The following DCC variants were observed in gnomAD, a reference collection of about 807,000 sequenced individuals.
DCC encodes DCC netrin 1 receptor.
A neutral mutation model predicts 172.5 loss-of-function variants in DCC; 58 were observed. The observed-to-expected ratio is 0.34, with a 90% CI of 0.27 to 0.42. The LOEUF (loss-of-function observed/expected upper bound fraction) is 0.42, where lower values mean the gene tolerates loss of function less well. DCC is among the 10% of genes least tolerant of loss of function. DCC has a pLI of 1.00. For missense variants in DCC, 1,740 were observed against 1,791.0 expected (o/e 0.97, Z 0.51); for synonymous variants, 709 against 644.5 (o/e 1.10, Z -1.52).
intron 3 of DCC, among the ~76,000 whole-genome samples, chr18:52,909,453 T>C (rs962825409): frequency 3.9e-5 from 6 of 152,138 alleles, no homozygotes; most frequent in Non-Finnish European, 5.9e-5. Flanking sequence ...ATTTTGCAAC[T>C]TTCCCCAACA....
At chr18:52,982,317 A>G (rs67913578) in intron 5 of DCC, among the ~76,000 whole-genome samples, 7,298 of 152,224 alleles carry the variant, frequency 0.048, 309 homozygotes, top group East Asian at 0.21. Flanking sequence ...TTCCCCAGTG[A>G]CAAGTAATGA....
intron 2 of DCC, among the ~76,000 whole-genome samples, chr18:52,894,048 G>T (rs927288394): frequency 1.3e-5 from 2 of 152,038 alleles, no homozygotes; most frequent in Non-Finnish European, 2.9e-5. Flanking sequence ...CTTTACACAT[G>T]TTGCTTCTCT....
At chr18:53,490,273 C>G (rs1038664871) in intron 26 of DCC, among the ~76,000 whole-genome samples, 2 of 152,026 alleles carry the variant, frequency 1.3e-5, no homozygotes, top group Non-Finnish European at 2.9e-5. Flanking sequence ...TATTGTGTTA[C>G]GTCGTTCTTC....
intron 1 of DCC, among the ~76,000 whole-genome samples, chr18:52,445,871 G>C (rs1988104117): frequency 6.6e-6 from 1 of 152,138 alleles, no homozygotes; most frequent in African/African-American, 2.4e-5. Flanking sequence ...TTCTACATTC[G>C]AAGGATGGAG....
intron 12 of DCC, among the ~76,000 whole-genome samples, chr18:53,278,359 G>A (rs191773177): frequency 5.3e-5 from 8 of 152,190 alleles, no homozygotes; most frequent in African/African-American, 1.4e-4. Context: ...CATTGACACA[G>A]CAAGGTTTTT....
intron 2 of DCC, among the ~76,000 whole-genome samples, chr18:52,825,840 T>C (rs1186897238): frequency 6.6e-6 from 1 of 152,222 alleles, no homozygotes; most frequent in African/African-American, 2.4e-5. Flanking sequence ...ATTTTTCTAA[T>C]GTGACATATG....
intron 2 of DCC, among the ~76,000 whole-genome samples, chr18:52,795,786 C>T (rs1004216475): frequency 6.6e-6 from 1 of 151,858 alleles, no homozygotes; most frequent in Non-Finnish European, 1.5e-5. Flanking sequence ...TTTTGGCATA[C>T]TGTTTTTCGT....
intron 1 of DCC, among the ~76,000 whole-genome samples, chr18:52,448,495 A>AT (rs1988197830): frequency 6.6e-6 from 1 of 152,084 alleles, no homozygotes; most frequent in Admixed American, 6.5e-5. Flanking sequence ...AGCATTTTGA[A>AT]TTTTTTCAAG....
Position 52,752,217 on chromosome 18 carries a change from G to A in DCC, c.255G>A (p.Met85Ile). Residue 85 changes from methionine (M) to isoleucine (I), a missense_variant, in exon 2 of 29, where the codon ATG (methionine) becomes ATA (isoleucine). By Grantham distance (10) the Met-to-Ile change is conservative. Around this residue, in one of 2 missense-constraint regions of DCC, gnomAD observed 1,732 missense variants for 1,767.4 expected, o/e 0.98. Transcript: ENST00000442544. ...ATGGCATTCATCTGGCCTTGGGAAT[G>A]GATGAAAGGAAGCAGCAACTTTCAA... ...KKDGIHLALG[M>I]DERKQQLSNG... 6.2e-7 allele frequency: 1 copy of A among 1,614,170 alleles called. No homozygotes were observed. Among genetic ancestry groups the A allele is most frequent in the Non-Finnish European group, 8.5e-7 (1 of 1,180,034 alleles).
At chr18:53,030,226 C>G (rs922916867) in intron 5 of DCC, among the ~76,000 whole-genome samples, 4 of 152,166 alleles carry the variant, frequency 2.6e-5, no homozygotes, top group African/African-American at 9.7e-5. Context: ...AGTAGGACCA[C>G]TAACTTCTGG....
chr18:53,389,014 C>G (rs1908369490), intron 16 of DCC, among the ~76,000 whole-genome samples: 1 of 152,066 alleles, frequency 6.6e-6, no homozygotes, highest in Non-Finnish European at 1.5e-5. Context: ...GAACTCTTAG[C>G]CTCAAACAAT....
At chr18:52,817,678 T>C (rs903368546) in intron 2 of DCC, among the ~76,000 whole-genome samples, 1 of 152,146 alleles carries the variant, frequency 6.6e-6, no homozygotes, top group Non-Finnish European at 1.5e-5. Context: ...GCCTAATGTG[T>C]ATGTACACGC....
At chr18:53,298,069 A>C (rs1425685094) in intron 12 of DCC, among the ~76,000 whole-genome samples, 1 of 152,196 alleles carries the variant, frequency 6.6e-6, no homozygotes, top group Non-Finnish European at 1.5e-5. Context: ...GGAATAATTT[A>C]AGCGATCACT....
intron 7 of DCC, among the ~76,000 whole-genome samples, chr18:53,085,989 C>A (rs2042875169): frequency 3.6e-5 from 2 of 55,940 alleles, no homozygotes; most frequent in East Asian, 3.5e-4. Context: ...TCTTCTTCTT[C>A]TCCTTCTCCT....
intron 5 of DCC, among the ~76,000 whole-genome samples, chr18:52,947,401 G>A (rs1040454272): frequency 5.3e-5 from 8 of 152,026 alleles, no homozygotes; most frequent in African/African-American, 1.7e-4. Context: ...GACCAGTTTG[G>A]CATCAGATTT....
At chr18:53,007,232 T>C (rs1032114054) in intron 5 of DCC, among the ~76,000 whole-genome samples, 1 of 152,166 alleles carries the variant, frequency 6.6e-6, no homozygotes, top group Non-Finnish European at 1.5e-5. Context: ...TATGATAATT[T>C]AGGGCTGTGT....
intron 7 of DCC, among the ~76,000 whole-genome samples, chr18:53,138,806 G>A (rs898535236): frequency 1.3e-5 from 2 of 152,108 alleles, no homozygotes; most frequent in African/African-American, 4.8e-5. Flanking sequence ...ACCAAATACT[G>A]TAAATGCATC....
chr18:52,748,930 C>T (rs934560275), intron 1 of DCC, among the ~76,000 whole-genome samples: 1 of 152,216 alleles, frequency 6.6e-6, no homozygotes, highest in South Asian at 2.1e-4. Flanking sequence ...GACCCATTGG[C>T]TCATGCCTGT....
chr18:52,801,398 C>G (rs1294926155), intron 2 of DCC, among the ~76,000 whole-genome samples: 2 of 151,972 alleles, frequency 1.3e-5, no homozygotes, highest in Non-Finnish European at 2.9e-5. Flanking sequence ...TGGATTAACT[C>G]AATTTTCACA....
Sources: allele counts gnomAD v4.1 joint callset (sites outside exome capture counted in the v4.1 genomes callset), GRCh38; gene constraint gnomAD v4.1.1; regional missense constraint gnomAD v4.1.1; transcripts MANE v1.5; gene names NCBI Gene and HGNC (gene_info 2026-07-23, HGNC 2026-07-21).